PRH1: variants seen among roughly 807,000 people sequenced by gnomAD.
PRH1 encodes proline rich protein HaeIII subfamily 1.
In PRH1, 7 loss-of-function variants were observed where a neutral mutation model predicts 7.9. The observed-to-expected ratio is 0.89, with a 90% confidence interval of 0.50 to 1.67. The LOEUF is 1.67. Among genes scored for constraint, PRH1 ranks in the 40% most tolerant of loss-of-function variants. The pLI is 0.00. For missense variants in PRH1, 109 were observed against 223.6 expected, an observed-to-expected ratio of 0.49 and a Z score of 3.27; for synonymous variants, 45 against 80.8, an observed-to-expected ratio of 0.56 and a Z score of 2.38.
rs796597114 is a variant in PRH1, at chr12:11,031,438, C to T, written c.-126+15582G>A. ...TCCCTGACTTCAAAAATGGAGCCAC[C>T]GACCTTCACGGTGAGTGTTGCTGCT... On this transcript the variant is annotated intron_variant, in intron 1 of 3. Transcript: ENST00000539853. 2.7e-5 allele frequency: 25 copies of T among 935,604 alleles called. No individual in the cohort carries two copies. The East Asian group carries it at 3.9e-4, about 15-fold the overall frequency. 58.0% of individuals were successfully genotyped at this position (935,604 alleles called of 1,614,324 possible).
At chr12:10,894,877 T>C (rs1478617966) in intron 2 of PRH1, 2 of 152,126 alleles carry the variant, frequency 1.3e-5, no homozygotes, top group Non-Finnish European at 1.5e-5. Flanking sequence ...AAGAAACAAA[T>C]GTGTAGCCCT....
intron 1 of PRH1, among the ~76,000 whole-genome samples, chr12:11,056,113 T>C (rs957841109): frequency 6.6e-6 from 1 of 150,732 alleles, no homozygotes; most frequent in East Asian, 2.0e-4. Context: ...TTTCAGTGCA[T>C]TTTCAATCTT....
intron 2 of PRH1, among the ~76,000 whole-genome samples, chr12:10,944,360 C>G (rs1190907962): frequency 6.6e-6 from 1 of 151,598 alleles, no homozygotes; most frequent in African/African-American, 2.4e-5. Context: ...GATTGCCTTC[C>G]TGATTTGATT....
chr12:10,909,882 A>T (rs1565465333), intron 2 of PRH1, among the ~76,000 whole-genome samples: 1 of 152,176 alleles, frequency 6.6e-6, no homozygotes, highest in East Asian at 1.9e-4. Context: ...GACTAAAGAG[A>T]AACTCGTTTA....
At chr12:10,944,433 T>A (rs896619518) in intron 2 of PRH1, among the ~76,000 whole-genome samples, 3 of 152,202 alleles carry the variant, frequency 2.0e-5, no homozygotes, top group African/African-American at 7.2e-5. Context: ...GCAACTTTTC[T>A]GAAGTTGTTT....
chr12:10,892,462 A>G (rs928786526), intron 2 of PRH1, among the ~76,000 whole-genome samples: 3 of 152,184 alleles, frequency 2.0e-5, no homozygotes, highest in Non-Finnish European at 2.9e-5. Context: ...GAACTGTGAC[A>G]TCAGGGATGA....
At chr12:11,048,386 G>T, upstream of PRH1, 1 of 301,048 alleles carries the variant, frequency 3.3e-6, no homozygotes, top group Admixed American at 3.8e-5. Context: ...AAAGCTGAAA[G>T]AAAGGTCTGT....
intron 1 of PRH1, among the ~76,000 whole-genome samples, chr12:11,045,744 G>A (rs781117353): frequency 6.4e-4 from 97 of 152,064 alleles, no homozygotes; most frequent in Admixed American, 8.5e-4. Context: ...ATTTTCTCTA[G>A]CCTATCAGCT....
chr12:10,931,413 C>G (rs541864719), intron 2 of PRH1, among the ~76,000 whole-genome samples: 68 of 152,306 alleles, frequency 4.5e-4, no homozygotes, highest in African/African-American at 1.6e-3. Context: ...TACCTGAACA[C>G]TCCTTGTTCA....
intron 1 of PRH1, among the ~76,000 whole-genome samples, chr12:11,001,230 T>G (rs1202541822): frequency 6.6e-6 from 1 of 152,046 alleles, no homozygotes; most frequent in Non-Finnish European, 1.5e-5. Context: ...GGAAATTCAA[T>G]GAGCTGTGCT....
intron 1 of PRH1, among the ~76,000 whole-genome samples, chr12:11,068,008 TTA>T (rs2136197968): frequency 6.7e-6 from 1 of 150,000 alleles, no homozygotes; most frequent in South Asian, 2.1e-4. Context: ...GGAATGTATT[TTA>T]TGTTTCTGCT....
chr12:10,893,005 T>C (rs1949596549), intron 2 of PRH1, among the ~76,000 whole-genome samples: 1 of 152,234 alleles, frequency 6.6e-6, no homozygotes, highest in Non-Finnish European at 1.5e-5. Context: ...AGCTGGTGTG[T>C]GTGAAATCTT....
intron 2 of PRH1, among the ~76,000 whole-genome samples, chr12:10,902,718 G>T (rs1949740892): frequency 6.6e-6 from 1 of 152,064 alleles, no homozygotes; most frequent in African/African-American, 2.4e-5. Context: ...CCTACTTTCA[G>T]CATTCTTAAA....
intron 2 of PRH1, among the ~76,000 whole-genome samples, chr12:10,893,610 G>C (rs1264146754): frequency 6.6e-6 from 1 of 152,118 alleles, no homozygotes; most frequent in Non-Finnish European, 1.5e-5. Context: ...GAAATCTCGT[G>C]GTCTATTCTC....
chr12:11,094,493 G>A lies in PRH1; in HGVS notation n.124-47305C>T, dbSNP rs185449102. Among the ~76,000 whole-genome samples, 2 of 112,820 alleles carry A rather than the reference G, an allele frequency of 1.8e-5. 1 individual carries two copies. The highest frequency in any genetic ancestry group is 1.8e-4 in the Admixed American group (2 of 11,102). The allele number at this position is 112,820 out of a possible 152,430, so 74.0% of individuals were successfully genotyped here. ...AGGAGCCAAAAGAAAAAATAGATGG[G>A]GAATGGCAAAGGTTTGTCCTGTGAG... On this transcript the variant is annotated intron_variant and non_coding_transcript_variant, in intron 1 of 4. Transcript: ENST00000541977.
intron 1 of PRH1, among the ~76,000 whole-genome samples, chr12:10,999,463 T>C (rs1367731722): frequency 2.6e-5 from 4 of 152,176 alleles, no homozygotes; most frequent in Admixed American, 2.6e-4. Flanking sequence ...AGGTATATAA[T>C]GAGCAGAGCA....
At position 11,096,581 on chromosome 12, in the gene PRH1, A is replaced by C. The variant is rs1443710386; in HGVS notation, n.124-49393T>G. 6.1e-5 allele frequency among the ~76,000 whole-genome samples: 7 copies of C among 115,484 alleles called. 3 individuals are homozygous for C. Among genetic ancestry groups the C allele is most frequent in the Non-Finnish European group, 1.0e-4 (5 of 49,000 alleles). The allele number at this position is 115,484 out of a possible 152,430, so 75.8% of individuals were successfully genotyped here. ...GTAAAAGCAGGATCTAGGCAGCCTC[A>C]TGAAACTCGGAAAAAACTGGAAATT... On this transcript the variant is annotated intron_variant and non_coding_transcript_variant, in intron 1 of 4. Coordinates refer to the PRH1 transcript ENST00000541977.
chr12:10,931,213 A>C, intron 2 of PRH1: 1 of 1,510,142 alleles, frequency 6.6e-7, no homozygotes, highest in South Asian at 1.3e-5. Flanking sequence ...GTTTTGTTCA[A>C]ATATTCTGGG....
intron 1 of PRH1, among the ~76,000 whole-genome samples, chr12:11,071,103 A>G (rs1028859632): frequency 6.7e-6 from 1 of 148,270 alleles, no homozygotes; most frequent in Admixed American, 6.8e-5. Flanking sequence ...TGCAGGGCAC[A>G]TTTTTCTAAC....
Sources: gnomAD v4.1 joint callset for allele counts (sites outside exome capture counted in the v4.1 genomes callset) on GRCh38, gnomAD v4.1.1 for gene constraint, MANE v1.5 for transcripts, NCBI Gene and HGNC (gene_info 2026-07-23, HGNC 2026-07-21) for gene names.